Variants in MDN1 observed in about 807,000 individuals in gnomAD.
The protein encoded by MDN1 is midasin.
Under a neutral mutation model 669.2 loss-of-function variants are expected in MDN1, and 266 were observed. The observed-to-expected ratio is 0.40, with a 90% CI of 0.36 to 0.44. The LOEUF is 0.44. Ranked by LOEUF, MDN1 falls within the 20% of genes least tolerant of loss-of-function variation. MDN1 has a pLI of 1.00. For missense variants in MDN1, 5,940 were observed against 6,754.0 expected (o/e 0.88, Z 4.22); for synonymous variants, 2,385 against 2,457.1 (o/e 0.97, Z 0.87).
At chr6:89,789,643 C>A in intron 7 of MDN1, 137 bp downstream of exon 7, 2 of 988,650 alleles carry the variant, frequency 2.0e-6, no homozygotes, top group Non-Finnish European at 1.5e-6. Context: ...AGGTAAGTAA[C>A]CATGAAGTAC....
chr6:89,761,657 G>C lies in MDN1; in HGVS notation c.2448C>G (p.Phe816Leu). 6.2e-7 allele frequency: 1 copy of C among 1,606,448 alleles called. No individual in the cohort carries two copies. The highest frequency in any genetic ancestry group is 8.5e-7 in the Non-Finnish European group (1 of 1,175,900). The change falls in exon 17 of 102, where the codon TTC (phenylalanine) becomes TTG (leucine). Residue 816 changes from phenylalanine to leucine, a missense_variant. By Grantham distance (22) the Phe-to-Leu change is conservative. Transcript: ENST00000369393. ...AAAACAGAAATACCTCTACAAATGC[G>C]AACAATAAGGTATTTTCAGTCATTT... ...QMKMTENTLL[F>L]AFVEGTLAQA...
In MDN1 at chr6:89,725,160, G is replaced by A. The variant is rs749731516; in HGVS notation, c.5670+39C>T. 7.6e-6 allele frequency: 12 copies of A among 1,579,880 alleles called. 1 individual carries two copies. The highest frequency in any genetic ancestry group is 5.0e-5 in the Admixed American group (3 of 59,914). On this transcript the variant is annotated intron_variant, in intron 38 of 101. Transcript: ENST00000369393. ...TCATAATAGTAGTCTTATCCCCTCC[G>A]AGTCTATCTTTGGTCTCTATGGCAA... is the stretch of plus-strand genomic sequence containing the variant.
intron 37 of MDN1, among the ~76,000 whole-genome samples, chr6:89,726,826 A>G (rs1365756739): frequency 1.3e-5 from 2 of 152,208 alleles, no homozygotes; most frequent in African/African-American, 4.8e-5. Context: ...ACAGGCAAAA[A>G]TCAGAGCACA....
rs764279883 is a variant in MDN1 at position 89,772,655 on chromosome 6, G to A, written c.2001C>T (p.Val667=). The change falls in exon 14 of 102, where the codon GTC becomes GTT. Residue 667 remains valine, a synonymous_variant. Transcript: ENST00000369393. ...SVLIEQLAVC[V]SKGEPVLLVG... ...CCAGCAACACAGGCTCCCCTTTGCT[G>A]ACACACACTGCAAGCTGCTCGATGA... 29 of 1,614,114 alleles carry A rather than the reference G, an allele frequency of 1.8e-5. 1 individual carries two copies. In the South Asian group the frequency reaches 2.6e-4, roughly 15 times the overall value.
Position 89,661,533 on chromosome 6 carries a change from C to T in MDN1, c.14611G>A (p.Glu4871Lys). ...NEVDPYHGNQEKVPEPEALDL... is the reference protein window; with the variant it reads ...NEVDPYHGNQKKVPEPEALDL... ...AAAGCCTCGGGTTCTGGCACCTTTT[C>T]CTGATTGCCATGGTAAGGGTCCACC... Residue 4871 changes from glutamate to lysine, a missense_variant, in exon 88 of 102, where the codon GAA becomes AAA. Physicochemically the swap from Glu to Lys is moderately conservative, Grantham distance 56. Around this residue, in one of 5 missense-constraint regions of MDN1, gnomAD observed 2,280 missense variants for 2,576.3 expected, o/e 0.88. Transcript: ENST00000369393. The T allele has an allele frequency of 1.2e-6, 2 of 1,614,152 alleles. No homozygotes were observed. Among genetic ancestry groups the T allele is most frequent in the African/African-American group, 2.7e-5 (2 of 75,024 alleles).
In MDN1 at chr6:89,662,136, G is replaced by GCTT. The variant is rs1014133206; in HGVS notation, c.14513_14515dup (p.Glu4838dup). 3 of 1,613,800 alleles carry GCTT rather than the reference G, an allele frequency of 1.9e-6. No individual in the cohort carries two copies. In the African/African-American group the frequency reaches 4.0e-5, roughly 22 times the overall value. ...GTCTTCACCTTGTCCACCATCATCA[G>GCTT]CTTCTGCTTCTTCCTTTTCTTCCTT... On this transcript the variant is annotated inframe_insertion, in exon 87 of 102. Coordinates refer to ENST00000369393, the MANE Select transcript of MDN1 (RefSeq NM_014611.3).
intron 53 of MDN1, among the ~76,000 whole-genome samples, chr6:89,702,922 G>C (rs1277298614): frequency 6.8e-6 from 1 of 146,076 alleles, no homozygotes; most frequent in African/African-American, 2.5e-5. Context: ...TATAATGTGA[G>C]GTAGGGGTAA....
At chr6:89,686,730 C>T (rs926468253) in intron 69 of MDN1, among the ~76,000 whole-genome samples, 172 bp downstream of exon 69, 6 of 152,196 alleles carry the variant, frequency 3.9e-5, no homozygotes, top group Admixed American at 1.3e-4. Flanking sequence ...TAGATAAGCA[C>T]GATTTACAGT....
At chr6:89,784,751 T>C (rs1466844619) in intron 9 of MDN1, among the ~76,000 whole-genome samples, 2 of 149,772 alleles carry the variant, frequency 1.3e-5, no homozygotes, top group Non-Finnish European at 3.0e-5. Context: ...GAGGAATTAC[T>C]GTTCATTTTA....
At chr6:89,765,375 G>A (rs1451378707) in intron 15 of MDN1, among the ~76,000 whole-genome samples, 3 of 152,132 alleles carry the variant, frequency 2.0e-5, no homozygotes, top group Non-Finnish European at 2.9e-5. Context: ...AGAGACCAAC[G>A]CAGTGGACTA....
rs770349224 is a variant in MDN1, at chr6:89,674,375, G to A, written c.12976C>T (p.Leu4326=). The A allele has an allele frequency of 1.9e-6, 3 of 1,614,240 alleles. No individual in the cohort carries two copies. Among genetic ancestry groups the A allele is most frequent in the East Asian group, 4.5e-5 (2 of 44,884 alleles). ...AGGCAGGGGCCAGGAGGCTGCCCCA[G>A]TACCTGGACATTGCCATGGCCTGGA... ...PAPGHGNVQV[L]GQPPGPCLEG... The change falls in exon 79 of 102, where the codon CTG becomes TTG. Residue 4326 remains leucine, a synonymous_variant. Transcript: ENST00000369393.
intron 17 of MDN1, among the ~76,000 whole-genome samples, chr6:89,760,563 T>G (rs1817490545): frequency 6.6e-6 from 1 of 152,146 alleles, no homozygotes; most frequent in African/African-American, 2.4e-5. Context: ...ATAGTCAAGA[T>G]ATAGAATCAA....
chr6:89,668,382 T>C (rs368781838), intron 83 of MDN1, among the ~76,000 whole-genome samples: 22 of 152,196 alleles, frequency 1.4e-4, no homozygotes, highest in African/African-American at 4.8e-4. Flanking sequence ...CTTGACTTTG[T>C]AGAAGCCTCT....
intron 1 of MDN1, chr6:89,815,045 G>T: frequency 4.0e-6 from 2 of 495,932 alleles, no homozygotes; most frequent in South Asian, 1.8e-5. Context: ...AGGAAGAAAG[G>T]GGTACAAAAG....
At chr6:89,796,720 T>A (rs1819629638) in intron 2 of MDN1, among the ~76,000 whole-genome samples, 1 of 152,190 alleles carries the variant, frequency 6.6e-6, no homozygotes, top group Non-Finnish European at 1.5e-5. Flanking sequence ...AAAATGGCTC[T>A]AAATTAAGTA....
At chr6:89,804,875 A>T (rs1289064842) in intron 1 of MDN1, among the ~76,000 whole-genome samples, 1 of 151,876 alleles carries the variant, frequency 6.6e-6, no homozygotes, top group Non-Finnish European at 1.5e-5. Flanking sequence ...TCTACTAAAA[A>T]TACAAAAAAA....
intron 8 of MDN1, among the ~76,000 whole-genome samples, chr6:89,785,664 T>G (rs1818917520): frequency 6.6e-6 from 1 of 152,310 alleles, no homozygotes; most frequent in African/African-American, 2.4e-5. Flanking sequence ...TCTTTTCTTC[T>G]GACATAAATG....
At chr6:89,722,811 A>G in intron 40 of MDN1, 144 bp downstream of exon 40, 1 of 704,642 alleles carries the variant, frequency 1.4e-6, no homozygotes, top group South Asian at 2.3e-5. Context: ...ATGCCATTGC[A>G]CTCCAGCCTG....
At chr6:89,764,918 T>C (rs1817734297) in intron 15 of MDN1, among the ~76,000 whole-genome samples, 1 of 152,064 alleles carries the variant, frequency 6.6e-6, no homozygotes, top group Admixed American at 6.6e-5. Context: ...AGGAAGAGAG[T>C]GAGACCAGAC....
Sources: gnomAD v4.1 joint callset for allele counts (sites outside exome capture counted in the v4.1 genomes callset) on GRCh38, gnomAD v4.1.1 for gene constraint, gnomAD v4.1.1 regional missense constraint, MANE v1.5 for transcripts, NCBI Gene and HGNC (gene_info 2026-07-23, HGNC 2026-07-21) for gene names.